FANCC: variants seen among roughly 807,000 people sequenced by gnomAD.
FANCC encodes the protein Fanconi anemia group C protein.
In FANCC, 55 loss-of-function variants were observed where a neutral mutation model predicts 71.3. The ratio of observed to expected loss-of-function variants is 0.77; its 90% CI spans 0.62 to 0.97. The LOEUF (loss-of-function observed/expected upper bound fraction) is 0.97. Ranked by LOEUF, FANCC falls within the 50% of genes least tolerant of loss-of-function variation. FANCC has a pLI of 0.00. For synonymous variants in FANCC, 275 were observed against 244.9 expected, an observed-to-expected ratio of 1.12 and a Z score of -1.15; for missense variants, 678 against 670.9, an observed-to-expected ratio of 1.01 and a Z score of -0.12.
chr9:95,193,528 T>C (rs183589440), intron 4 of FANCC, among the ~76,000 whole-genome samples: 25 of 152,266 alleles, frequency 1.6e-4, no homozygotes, highest in South Asian at 4.1e-4. Context: ...TTTGTGAACA[T>C]TGGGGAGGGG....
At chr9:95,175,904 G>T (rs1825985879) in intron 4 of FANCC, among the ~76,000 whole-genome samples, 1 of 152,228 alleles carries the variant, frequency 6.6e-6, no homozygotes, top group Admixed American at 6.5e-5. Flanking sequence ...GACTTGGTTT[G>T]GAAAGTAGGT....
intron 4 of FANCC, among the ~76,000 whole-genome samples, chr9:95,231,722 G>A (rs1019920574): frequency 2.0e-5 from 3 of 152,106 alleles, no homozygotes; most frequent in East Asian, 1.9e-4. Flanking sequence ...ACCTAAAGAG[G>A]AATTCTTATG....
At chr9:95,108,990 C>G (rs1282543190) in intron 13 of FANCC, among the ~76,000 whole-genome samples, 1 of 151,946 alleles carries the variant, frequency 6.6e-6, no homozygotes, top group African/African-American at 2.4e-5. Context: ...ACTGCAACCT[C>G]TGCCTCCTGA....
At chr9:95,109,465 T>A (rs1433248920) in intron 13 of FANCC, 1 of 152,162 alleles carries the variant, frequency 6.6e-6, no homozygotes, top group African/African-American at 2.4e-5. Context: ...TTCCTTTTTT[T>A]CTCTAGGCAT....
intron 1 of FANCC, among the ~76,000 whole-genome samples, chr9:95,314,102 A>G (rs1191581375): frequency 6.6e-6 from 1 of 152,256 alleles, no homozygotes; most frequent in Non-Finnish European, 1.5e-5. Flanking sequence ...TAATCAGGCA[A>G]AAAAGAAACT....
At chr9:95,206,458 A>G (rs1157870750) in intron 4 of FANCC, among the ~76,000 whole-genome samples, 1 of 152,204 alleles carries the variant, frequency 6.6e-6, no homozygotes, top group Non-Finnish European at 1.5e-5. Context: ...AGTCCCCTAC[A>G]TCGTCTAACA....
At position 95,150,107 on chromosome 9, in the gene FANCC, T is replaced by TAAGA; in HGVS notation, c.522-21_522-20insTCTT. The TAAGA allele has an allele frequency of 6.2e-7, 1 of 1,613,590 alleles. No homozygotes were observed. The highest frequency in any genetic ancestry group is 8.5e-7 in the Non-Finnish European group (1 of 1,179,784). Reference sequence around the variant, plus strand: ...GCCATTCTATGGAAGAAATAAGAAATAATCACTCAAATCTAAGAGCCATGC... The same window carrying TAAGA: ...GCCATTCTATGGAAGAAATAAGAAATAAGAAATCACTCAAATCTAAGAGCCATGC... On this transcript the variant is annotated intron_variant, in intron 6 of 14. Coordinates refer to ENST00000289081, the MANE Select transcript of FANCC (RefSeq NM_000136.3).
At chr9:95,181,157 CATT>C (rs1298940452) in intron 4 of FANCC, among the ~76,000 whole-genome samples, 2 of 58,548 alleles carry the variant, frequency 3.4e-5, no homozygotes, top group Non-Finnish European at 7.0e-5. Flanking sequence ...CACACGTACA[CATT>C]GTGTGTGTGT....
chr9:95,244,419 C>T (rs1276329385), intron 3 of FANCC, among the ~76,000 whole-genome samples: 2 of 152,176 alleles, frequency 1.3e-5, no homozygotes, highest in African/African-American at 4.8e-5. Flanking sequence ...GTGGCCCACG[C>T]CTGTAATCCC....
chr9:95,152,389 G>C (rs181378956), intron 6 of FANCC, among the ~76,000 whole-genome samples: 1 of 152,286 alleles, frequency 6.6e-6, no homozygotes, highest in Admixed American at 6.5e-5. Flanking sequence ...AGCTCTGAAG[G>C]AAGTACATGA....
intron 6 of FANCC, among the ~76,000 whole-genome samples, chr9:95,159,556 G>T (rs973008170): frequency 9.2e-5 from 14 of 152,206 alleles, no homozygotes; most frequent in African/African-American, 2.7e-4. Flanking sequence ...CCAGTAATGG[G>T]ATAGCTGGAT....
intron 4 of FANCC, among the ~76,000 whole-genome samples, chr9:95,213,815 T>C (rs1261991164): frequency 6.6e-6 from 1 of 152,128 alleles, no homozygotes; most frequent in Non-Finnish European, 1.5e-5. Flanking sequence ...AATCAAATAG[T>C]CGAAATTTAA....
chr9:95,276,132 C>T (rs763530592), intron 1 of FANCC, among the ~76,000 whole-genome samples: 18 of 152,248 alleles, frequency 1.2e-4, no homozygotes, highest in Non-Finnish European at 4.4e-5. Context: ...TTGAACTCTC[C>T]AACCACCAGG....
chr9:95,241,440 GCTA>G, intron 3 of FANCC, among the ~76,000 whole-genome samples: 1 of 152,138 alleles, frequency 6.6e-6, no homozygotes, highest in Non-Finnish European at 1.5e-5. Flanking sequence ...TACTTGATGA[GCTA>G]CTTTCTTTCT....
At chr9:95,160,481 T>G (rs1830679842) in intron 6 of FANCC, among the ~76,000 whole-genome samples, 1 of 152,228 alleles carries the variant, frequency 6.6e-6, no homozygotes, top group Admixed American at 6.5e-5. Context: ...AGCTTTGTTC[T>G]TTTTGCTTAG....
intron 14 of FANCC, among the ~76,000 whole-genome samples, chr9:95,102,262 T>G (rs545755648): frequency 1.3e-5 from 2 of 152,204 alleles, no homozygotes; most frequent in African/African-American, 4.8e-5. Flanking sequence ...AACATGAGAA[T>G]TGGAAAATAC....
At chr9:95,196,026 T>G (rs4744446) in intron 4 of FANCC, among the ~76,000 whole-genome samples, 6 of 152,024 alleles carry the variant, frequency 3.9e-5, no homozygotes, top group Non-Finnish European at 8.8e-5. Context: ...GGTAGATTCT[T>G]TAAGATATTC....
chr9:95,253,828 G>A (rs904224346), intron 1 of FANCC, among the ~76,000 whole-genome samples: 1 of 152,154 alleles, frequency 6.6e-6, no homozygotes, highest in African/African-American at 2.4e-5. Flanking sequence ...TTTGTGGGAT[G>A]AGAAACTGTT....
Position 95,311,918 on chromosome 9 carries a change from G to GA in FANCC, c.-79+5607dup, listed in dbSNP as rs200994679. Among the ~76,000 whole-genome samples the GA allele has an allele frequency of 1.2e-4, 18 of 152,126 alleles. No homozygotes were observed. The East Asian group carries it at 2.5e-3, about 21-fold the overall frequency. On this transcript the variant is annotated intron_variant, in intron 1 of 14. Transcript: ENST00000289081. ...ATGAAAACACAAGTCCCAGAAATCT[G>GA]AAAAATGAAAAACAGGGGTGAAAGA...
Sources: allele counts gnomAD v4.1 joint callset (sites outside exome capture counted in the v4.1 genomes callset), GRCh38; gene constraint gnomAD v4.1.1; transcripts MANE v1.5; gene names NCBI Gene and HGNC (gene_info 2026-07-23, HGNC 2026-07-21).